The following ZCCHC24 variants were observed in gnomAD, a reference collection of about 807,000 sequenced individuals.
ZCCHC24 encodes zinc finger CCHC domain-containing protein 24.
ZCCHC24 carries 10 observed loss-of-function variants against 26.2 expected under a neutral mutation model. The observed-to-expected ratio is 0.38, with a 90% confidence interval of 0.24 to 0.65. The LOEUF is 0.65. Among genes scored for constraint, ZCCHC24 ranks in the 30% least tolerant of loss-of-function variants. The probability of loss-of-function intolerance (pLI) is 0.54; values close to 1 mark genes in which losing one functional copy is unlikely to be tolerated. For missense variants in ZCCHC24, 243 were observed against 329.1 expected, an observed-to-expected ratio of 0.74 and a Z score of 2.03; for synonymous variants, 144 against 147.1, an observed-to-expected ratio of 0.98 and a Z score of 0.15.
chr10:79,407,533 G>GC (rs1193705054), intron 2 of ZCCHC24, among the ~76,000 whole-genome samples: 1 of 152,222 alleles, frequency 6.6e-6, no homozygotes, highest in Non-Finnish European at 1.5e-5. Flanking sequence ...TCTGGGGAGG[G>GC]CCTGAGAACC....
At chr10:79,404,450 G>A (rs1426342359) in intron 2 of ZCCHC24, among the ~76,000 whole-genome samples, 3 of 152,188 alleles carry the variant, frequency 2.0e-5, no homozygotes, top group Non-Finnish European at 4.4e-5. Flanking sequence ...GGGGTGGAAA[G>A]CTTCCGAATC....
At chr10:79,417,785 C>T (rs909173723) in intron 2 of ZCCHC24, among the ~76,000 whole-genome samples, 5 of 152,204 alleles carry the variant, frequency 3.3e-5, no homozygotes, top group Admixed American at 2.6e-4. Flanking sequence ...ACCCCCATTC[C>T]ATGCACATTT....
intron 3 of ZCCHC24, among the ~76,000 whole-genome samples, chr10:79,392,778 C>T (rs1358971833): frequency 6.6e-6 from 1 of 152,238 alleles, no homozygotes; most frequent in Non-Finnish European, 1.5e-5. Flanking sequence ...CAAATCAGCA[C>T]CTCCACTCTC....
chr10:79,415,352 G>C (rs1164042464), intron 2 of ZCCHC24, among the ~76,000 whole-genome samples: 1 of 152,152 alleles, frequency 6.6e-6, no homozygotes, highest in Admixed American at 6.5e-5. Context: ...CTCAGGGCAG[G>C]ACGGTGGGCA....
intron 1 of ZCCHC24, among the ~76,000 whole-genome samples, chr10:79,433,524 G>A (rs938308013): frequency 6.6e-6 from 1 of 152,256 alleles, no homozygotes; most frequent in Non-Finnish European, 1.5e-5. Flanking sequence ...ACGGGCTCCG[G>A]GCTGCCTTGC....
At chr10:79,387,700 C>G (rs911199916) in intron 3 of ZCCHC24, among the ~76,000 whole-genome samples, 7 of 152,168 alleles carry the variant, frequency 4.6e-5, no homozygotes, top group Non-Finnish European at 7.3e-5. Context: ...TGTGCTCTGT[C>G]CCCCTGGCCA....
chr10:79,389,256 G>A (rs1322327249), intron 3 of ZCCHC24, among the ~76,000 whole-genome samples: 1 of 152,240 alleles, frequency 6.6e-6, no homozygotes, highest in Non-Finnish European at 1.5e-5. Flanking sequence ...CAGAGGTTTT[G>A]CAGGCCCAGG....
At chr10:79,436,944 G>C (rs368000934) in intron 1 of ZCCHC24, among the ~76,000 whole-genome samples, 1 of 152,210 alleles carries the variant, frequency 6.6e-6, no homozygotes, top group African/African-American at 2.4e-5. Context: ...CCCTCACACC[G>C]CATCTGGGGG....
chr10:79,412,736 G>A (rs951815223), intron 2 of ZCCHC24, among the ~76,000 whole-genome samples: 2 of 152,232 alleles, frequency 1.3e-5, no homozygotes, highest in African/African-American at 2.4e-5. Context: ...CGGTCCTGGA[G>A]ACCTGGGTTT....
intron 2 of ZCCHC24, among the ~76,000 whole-genome samples, chr10:79,425,294 C>A (rs1857011205): frequency 6.6e-6 from 1 of 152,200 alleles, no homozygotes; most frequent in Non-Finnish European, 1.5e-5. Context: ...ACTGGGTTTT[C>A]TGTTGCCACC....
At chr10:79,411,316 G>A (rs887820259) in intron 2 of ZCCHC24, among the ~76,000 whole-genome samples, 7 of 152,160 alleles carry the variant, frequency 4.6e-5, no homozygotes, top group African/African-American at 9.7e-5. Flanking sequence ...CTGGCATGGT[G>A]CTATAATTAA....
At chr10:79,407,933 C>T (rs561006206) in intron 2 of ZCCHC24, among the ~76,000 whole-genome samples, 2 of 152,282 alleles carry the variant, frequency 1.3e-5, no homozygotes, top group South Asian at 4.1e-4. Context: ...GCCTGGCTCT[C>T]CTGGCCCAGC....
chr10:79,409,823 G>A (rs903300528), intron 2 of ZCCHC24, among the ~76,000 whole-genome samples: 5 of 152,242 alleles, frequency 3.3e-5, no homozygotes, highest in African/African-American at 4.8e-5. Context: ...GGCGAGGGCC[G>A]ACACTTCCTG....
chr10:79,412,001 G>A lies in ZCCHC24; in HGVS notation c.448-17561C>T, dbSNP rs551206924. On this transcript the variant is annotated intron_variant, in intron 2 of 3. Transcript: ENST00000372336. ...TTCCCTGGCTCCCAGAAGCCCAGAA[G>A]GCCAGAATCTCGCGAGTGGGAGGAA... Among the ~76,000 whole-genome samples, 4 of 152,318 alleles carry A rather than the reference G, an allele frequency of 2.6e-5. No homozygotes were observed. In the East Asian group the frequency reaches 7.7e-4, roughly 29 times the overall value.
At chr10:79,428,039 A>G (rs994306390) in intron 2 of ZCCHC24, among the ~76,000 whole-genome samples, 9 of 152,232 alleles carry the variant, frequency 5.9e-5, no homozygotes, top group African/African-American at 2.2e-4. Context: ...TGAAGTGGAG[A>G]ATTGAAAGCG....
chr10:79,417,294 T>C (rs1305598280), intron 2 of ZCCHC24, among the ~76,000 whole-genome samples: 2 of 86,342 alleles, frequency 2.3e-5, no homozygotes, highest in African/African-American at 6.7e-5. Context: ...CTTGTCATCA[T>C]GCCTACTGCT....
intron 2 of ZCCHC24, among the ~76,000 whole-genome samples, chr10:79,425,736 A>G (rs79431735): frequency 0.012 from 1,830 of 152,314 alleles, 30 homozygotes; most frequent in Non-Finnish European, 0.016. Flanking sequence ...AATACATAGA[A>G]TATGCTAAAC....
chr10:79,417,716 T>C (rs1033061089), intron 2 of ZCCHC24, among the ~76,000 whole-genome samples: 1 of 152,000 alleles, frequency 6.6e-6, no homozygotes, highest in African/African-American at 2.4e-5. Context: ...AGCCAGCAAA[T>C]GAGACGAAGG....
At chr10:79,435,922 C>A (rs1857210543) in intron 1 of ZCCHC24, among the ~76,000 whole-genome samples, 1 of 25,156 alleles carries the variant, frequency 4.0e-5, no homozygotes, top group Non-Finnish European at 6.6e-5. Flanking sequence ...GAGCTCTATC[C>A]CCCTCCTGCT....
Sources: allele counts gnomAD v4.1 joint callset (sites outside exome capture counted in the v4.1 genomes callset), GRCh38; gene constraint gnomAD v4.1.1; transcripts MANE v1.5; gene names NCBI Gene and HGNC (gene_info 2026-07-23, HGNC 2026-07-21).